The following TNNT3 variants were observed in gnomAD, a reference collection of about 807,000 sequenced individuals.
The protein encoded by TNNT3 is troponin T3, fast skeletal type, also known as troponin T, fast skeletal muscle.
TNNT3 carries 36 observed loss-of-function variants against 54.2 expected under a neutral mutation model. The observed-to-expected ratio is 0.66, with a 90% CI of 0.51 to 0.88. The LOEUF is 0.88. TNNT3 is among the 40% of genes least tolerant of loss of function. TNNT3 has a pLI of 0.00. For synonymous variants in TNNT3, 120 were observed against 109.7 expected, an observed-to-expected ratio of 1.09 and a Z score of -0.59; for missense variants, 291 against 331.6, an observed-to-expected ratio of 0.88 and a Z score of 0.95.
chr11:1,928,521 G>T (rs1236599238), intron 6 of TNNT3, among the ~76,000 whole-genome samples: 1 of 152,180 alleles, frequency 6.6e-6, no homozygotes, highest in Non-Finnish European at 1.5e-5. Flanking sequence ...TGGCCTGTGG[G>T]TGGGGGCTGT....
intron 5 of TNNT3, among the ~76,000 whole-genome samples, chr11:1,925,668 G>A (rs967136845): frequency 5.3e-5 from 8 of 152,108 alleles, no homozygotes; most frequent in East Asian, 1.9e-4. Flanking sequence ...CAGGACGCCC[G>A]CCACATCTTG....
intron 9 of TNNT3, 22 bp from the exon 10 acceptor site, chr11:1,933,699 C>T (rs754276732): frequency 1.9e-6 from 3 of 1,588,894 alleles, no homozygotes; most frequent in South Asian, 1.1e-5. Context: ...GTGGGGCTCA[C>T]ACCCACTGCC....
intron 1 of TNNT3, among the ~76,000 whole-genome samples, chr11:1,920,299 G>A (rs925391579): frequency 3.3e-5 from 5 of 152,200 alleles, no homozygotes; most frequent in African/African-American, 9.7e-5. Flanking sequence ...CAGCCCGAGT[G>A]TGTTGGGGTG....
chr11:1,926,512 A>G (rs1851635121), intron 5 of TNNT3, 183 bp from the exon 6 acceptor site: 2 of 1,612,936 alleles, frequency 1.2e-6, no homozygotes, highest in South Asian at 2.2e-5. Flanking sequence ...CCACATGGGC[A>G]CGTGTGGCCA....
intron 1 of TNNT3, among the ~76,000 whole-genome samples, 183 bp downstream of exon 1, chr11:1,919,945 G>A (rs1160178921): frequency 6.6e-6 from 1 of 152,218 alleles, no homozygotes. Context: ...TCCAGCGTCC[G>A]GAGAGTCTGG....
At position 1,934,629 on chromosome 11, in the gene TNNT3, C is replaced by A. The variant is rs375848299; in HGVS notation, c.564C>A (p.Ile188=). The change falls in exon 13 of 16, where the codon ATC becomes ATA. Residue 188 remains isoleucine, a synonymous_variant. Transcript: ENST00000278317. ...CTGAGAGACGCAAGCCGCTCAACAT[C>A]GATCACCTTGGTGAAGACAAACTGA... ...ILAERRKPLN[I]DHLGEDKLRD... is the part of the protein sequence containing the mutation. The A allele has an allele frequency of 1.9e-5, 30 of 1,609,142 alleles. No homozygotes were observed. Among genetic ancestry groups the A allele is most frequent in the Non-Finnish European group, 2.4e-5 (28 of 1,178,292 alleles).
chr11:1,936,469 A>C (rs1489592290), intron 14 of TNNT3, among the ~76,000 whole-genome samples: 1 of 152,080 alleles, frequency 6.6e-6, no homozygotes, highest in Non-Finnish European at 1.5e-5. Flanking sequence ...CCACCTTCCC[A>C]GGAGCTCCGC....
At chr11:1,937,485 C>T (rs1275318323) in intron 15 of TNNT3, among the ~76,000 whole-genome samples, 2 of 152,120 alleles carry the variant, frequency 1.3e-5, no homozygotes, top group Non-Finnish European at 2.9e-5. Context: ...GATGGTGAAA[C>T]CTCATCCATA....
intron 10 of TNNT3, 38 bp from the exon 11 acceptor site, chr11:1,933,893 G>A (rs774215707): frequency 1.6e-5 from 25 of 1,611,868 alleles, no homozygotes; most frequent in Middle Eastern, 3.3e-4. Context: ...CGGAGGAGCC[G>A]GGGACAGGGC....
Position 1,929,111 on chromosome 11 carries a change from A to G in TNNT3, c.83-9A>G. On this transcript the variant is annotated splice_polypyrimidine_tract_variant and intron_variant, in intron 6 of 15. Transcript: ENST00000278317. Reference sequence around the variant, plus strand: ...TGCATGTGTGCTTGTGCCTTTTGCCACCTGGAAGACACCGCAGAGGAGGAC... The same window carrying G: ...TGCATGTGTGCTTGTGCCTTTTGCCGCCTGGAAGACACCGCAGAGGAGGAC... The G allele has an allele frequency of 6.2e-7, 1 of 1,613,280 alleles. No homozygotes were observed. Among genetic ancestry groups the G allele is most frequent in the Non-Finnish European group, 8.5e-7 (1 of 1,179,934 alleles).
chr11:1,931,723 T>TG (rs1480820519), intron 8 of TNNT3, among the ~76,000 whole-genome samples: 1 of 151,268 alleles, frequency 6.6e-6, no homozygotes, highest in East Asian at 1.9e-4. Context: ...ATTTTCCGTT[T>TG]TTTTTTTTTT....
intron 14 of TNNT3, 135 bp from the exon 15 acceptor site, chr11:1,936,828 C>T (rs769359001): frequency 4.2e-5 from 36 of 863,346 alleles, no homozygotes; most frequent in South Asian, 7.1e-5. Flanking sequence ...GTAAGGGAGC[C>T]GAGGAGCCCT....
intron 14 of TNNT3, chr11:1,936,188 C>G (rs777648288): frequency 1.2e-6 from 2 of 1,613,752 alleles, no homozygotes; most frequent in Admixed American, 1.7e-5. Flanking sequence ...GCCCATCCAG[C>G]CTTGTAACCA....
At chr11:1,923,507 G>A in intron 3 of TNNT3, 48 bp from the exon 4 acceptor site, 2 of 1,610,230 alleles carry the variant, frequency 1.2e-6, no homozygotes, top group Non-Finnish European at 1.7e-6. Context: ...TCCCTTCACG[G>A]GCTGCCCCTT....
intron 4 of TNNT3, among the ~76,000 whole-genome samples, chr11:1,923,923 A>G (rs148051896): frequency 0.02 from 2,983 of 151,988 alleles, 98 homozygotes; most frequent in African/African-American, 0.066. Flanking sequence ...CAAAACACCG[A>G]GTGCCCTGCG....
intron 5 of TNNT3, 180 bp downstream of exon 5, chr11:1,925,296 C>A: frequency 6.3e-7 from 1 of 1,591,066 alleles, no homozygotes; most frequent in South Asian, 1.1e-5. Flanking sequence ...CACAGGACTT[C>A]TTGTCCCCAT....
intron 14 of TNNT3, chr11:1,935,299 G>A (rs560189329): frequency 1.7e-5 from 6 of 352,578 alleles, no homozygotes; most frequent in South Asian, 9.2e-5. Flanking sequence ...CCGGGGCACC[G>A]AGTCCGTCTG....
chr11:1,929,974 C>A (rs922664549), intron 8 of TNNT3, 146 bp downstream of exon 8: 2 of 1,149,626 alleles, frequency 1.7e-6, no homozygotes, highest in Non-Finnish European at 1.3e-6. Context: ...GCAGGCCCAG[C>A]GCCTCGTGTG....
At chr11:1,935,028 C>G in intron 14 of TNNT3, 109 bp downstream of exon 14, 2 of 1,097,682 alleles carry the variant, frequency 1.8e-6, no homozygotes, top group Non-Finnish European at 2.8e-6. Flanking sequence ...CCCCAGGGAC[C>G]TGGACCCTGA....
Sources: allele counts gnomAD v4.1 joint callset (sites outside exome capture counted in the v4.1 genomes callset), GRCh38; gene constraint gnomAD v4.1.1; transcripts MANE v1.5; gene names NCBI Gene and HGNC (gene_info 2026-07-23, HGNC 2026-07-21).